The following NAALADL2 variants were observed in gnomAD, a reference collection of about 807,000 sequenced individuals.
NAALADL2 encodes the protein inactive N-acetylated-alpha-linked acidic dipeptidase-like protein 2.
NAALADL2 carries 76 observed loss-of-function variants against 87.2 expected under a neutral mutation model. That is an observed-to-expected ratio of 0.87 (90% CI 0.72 to 1.05). The LOEUF (loss-of-function observed/expected upper bound fraction) is 1.05. Ranked by LOEUF, NAALADL2 falls within the 50% of genes least tolerant of loss-of-function variation. The probability of loss-of-function intolerance (pLI) is 0.00; values close to 1 mark genes in which losing one functional copy is unlikely to be tolerated. For missense variants in NAALADL2, 1,089 were observed against 945.8 expected, an observed-to-expected ratio of 1.15 and a Z score of -1.99; for synonymous variants, 354 against 331.0, an observed-to-expected ratio of 1.07 and a Z score of -0.75.
chr3:174,665,754 G>T (rs1578475196), intron 2 of NAALADL2, among the ~76,000 whole-genome samples: 1 of 152,126 alleles, frequency 6.6e-6, no homozygotes, highest in South Asian at 2.1e-4. Context: ...TCCCAGTCTG[G>T]AGGCTACATA....
intron 1 of NAALADL2, among the ~76,000 whole-genome samples, chr3:174,877,465 T>C (rs2109670052): frequency 6.6e-6 from 1 of 152,218 alleles, no homozygotes; most frequent in South Asian, 2.1e-4. Flanking sequence ...ATTTCAGGCA[T>C]TCAGAAAAGG....
chr3:175,465,200 A>C lies in NAALADL2; in HGVS notation c.1327+1707A>C, dbSNP rs557051328. ...CCGGGAGGCGGAGCTTGCAGTGAGC[A>C]GAGATCACGCCACTGCACTCCAGCC... On this transcript the variant is annotated intron_variant, in intron 7 of 13. Transcript: ENST00000454872. Among the ~76,000 whole-genome samples, 222 of 150,984 alleles carry C rather than the reference A, an allele frequency of 1.5e-3. 1 individual carries two copies. The highest frequency in any genetic ancestry group is 4.5e-3 in the African/African-American group (183 of 41,122).
At chr3:175,653,311 T>C (rs2149793057) in intron 11 of NAALADL2, among the ~76,000 whole-genome samples, 1 of 152,280 alleles carries the variant, frequency 6.6e-6, no homozygotes, top group South Asian at 2.1e-4. Flanking sequence ...TTTTCTTTAG[T>C]TTCAGGGCTC....
At chr3:175,521,068 T>C (rs1225201061) in intron 9 of NAALADL2, among the ~76,000 whole-genome samples, 1 of 151,502 alleles carries the variant, frequency 6.6e-6, no homozygotes, top group East Asian at 1.9e-4. Context: ...ACAAATAAAA[T>C]CTAAACGTAT....
At chr3:175,337,092 T>C (rs1054901903) in intron 5 of NAALADL2, among the ~76,000 whole-genome samples, 12 of 152,186 alleles carry the variant, frequency 7.9e-5, no homozygotes, top group African/African-American at 2.9e-4. Context: ...CTCTGTCATT[T>C]CAATATTCCA....
At chr3:174,610,570 C>T (rs369980796) in intron 2 of NAALADL2, among the ~76,000 whole-genome samples, 6 of 152,180 alleles carry the variant, frequency 3.9e-5, no homozygotes, top group East Asian at 3.9e-4. Context: ...AAAAAATGCT[C>T]ACCATCACTG....
intron 6 of NAALADL2, among the ~76,000 whole-genome samples, chr3:175,460,834 G>A (rs144669688): frequency 7.0e-4 from 107 of 152,286 alleles, no homozygotes; most frequent in Middle Eastern, 3.4e-3. Flanking sequence ...GGGTGTTGCA[G>A]ACCCAAAGAG....
At chr3:175,362,136 T>C (rs1307644690) in intron 5 of NAALADL2, among the ~76,000 whole-genome samples, 1 of 148,344 alleles carries the variant, frequency 6.7e-6, no homozygotes, top group African/African-American at 2.4e-5. Context: ...CCTTTTCCCA[T>C]TTATTGTTTT....
intron 4 of NAALADL2, among the ~76,000 whole-genome samples, chr3:175,260,763 C>G (rs1398192925): frequency 1.3e-5 from 2 of 152,064 alleles, no homozygotes; most frequent in Non-Finnish European, 2.9e-5. Context: ...GGGAGGGAAT[C>G]TCTACATCCG....
chr3:175,230,385 A>G (rs1466173063), intron 2 of NAALADL2, among the ~76,000 whole-genome samples: 2 of 152,092 alleles, frequency 1.3e-5, no homozygotes, highest in Admixed American at 1.3e-4. Context: ...AAAAACTAGG[A>G]TAAAATATGT....
intron 11 of NAALADL2, among the ~76,000 whole-genome samples, chr3:175,671,332 G>A (rs1733978787): frequency 6.6e-6 from 1 of 151,818 alleles, no homozygotes; most frequent in Non-Finnish European, 1.5e-5. Context: ...ATTATGAAAA[G>A]AAAAAAGTTC....
chr3:175,717,803 ATT>A lies in NAALADL2; in HGVS notation c.1897-19481_1897-19480del, dbSNP rs10575051. 7.1e-3 allele frequency among the ~76,000 whole-genome samples: 836 copies of A among 117,842 alleles called. 11 individuals carry two copies. The highest frequency in any genetic ancestry group is 0.03 in the African/African-American group (797 of 26,550). 77.3% of individuals were successfully genotyped at this position (117,842 alleles called of 152,430 possible). ...TCTAACAGTGACCTCAAGAGAGCAG[ATT>A]TTTTTTTTTTTTTTTTTTTTTGAGA... On this transcript the variant is annotated intron_variant, in intron 11 of 13. Coordinates refer to ENST00000454872, the MANE Select transcript of NAALADL2 (RefSeq NM_207015.3).
chr3:175,657,406 C>A (rs1292478845), intron 11 of NAALADL2, among the ~76,000 whole-genome samples: 3 of 151,934 alleles, frequency 2.0e-5, no homozygotes, highest in South Asian at 4.1e-4. Context: ...TCGTAAAAAT[C>A]ATTTTTTATT....
At chr3:174,860,100 A>G (rs1405341392) in intron 1 of NAALADL2, among the ~76,000 whole-genome samples, 1 of 152,078 alleles carries the variant, frequency 6.6e-6, no homozygotes, top group African/African-American at 2.4e-5. Flanking sequence ...CTCACATTTC[A>G]CATTTTTGGG....
Position 175,576,060 on chromosome 3 carries a change from C to G in NAALADL2, c.1673C>G (p.Thr558Ser), listed in dbSNP as rs773399939. The G allele has an allele frequency of 6.2e-6, 10 of 1,610,640 alleles. 1 individual carries two copies. Among genetic ancestry groups the G allele is most frequent in the Admixed American group, 1.7e-5 (1 of 59,324 alleles). ...LVVEKNNFNC[T>S]RRAQCPETNI... ...TTTCAGAAAAATAATTTCAACTGTACCAGAAGAGCCCAGTGCCCAGAAACC... is the reference window on the plus strand; with the variant it reads ...TTTCAGAAAAATAATTTCAACTGTAGCAGAAGAGCCCAGTGCCCAGAAACC... The change falls in exon 10 of 14, where the codon ACC becomes AGC. Residue 558 changes from threonine to serine, a missense_variant. Coordinates refer to ENST00000454872, the MANE Select transcript of NAALADL2 (RefSeq NM_207015.3).
chr3:174,701,899 A>G (rs1351919985), intron 2 of NAALADL2, among the ~76,000 whole-genome samples: 3 of 152,194 alleles, frequency 2.0e-5, no homozygotes, highest in Non-Finnish European at 4.4e-5. Flanking sequence ...TGCTTTTAAC[A>G]TTTGCGTACA....
rs189173536 is a variant in NAALADL2 at position 175,786,985 on chromosome 3, A to T, written c.2190-16020A>T. Reference sequence around the variant, plus strand: ...AATACCCTGCCATGTGAGGTGTCAGAGTGCCCCTGCTGGGGGGTGCCTCCC... The same window carrying T: ...AATACCCTGCCATGTGAGGTGTCAGTGTGCCCCTGCTGGGGGGTGCCTCCC... On this transcript the variant is annotated intron_variant, in intron 13 of 13. Transcript: ENST00000454872. 7.2e-3 allele frequency among the ~76,000 whole-genome samples: 1,071 copies of T among 148,882 alleles called. 8 individuals carry two copies. The highest frequency in any genetic ancestry group is 8.3e-3 in the Non-Finnish European group (549 of 66,114).
intron 3 of NAALADL2, among the ~76,000 whole-genome samples, chr3:175,250,620 C>T (rs1748887341): frequency 6.6e-6 from 1 of 152,098 alleles, no homozygotes; most frequent in Non-Finnish European, 1.5e-5. Flanking sequence ...GCCCATTGTT[C>T]CTTCCAATGA....
intron 11 of NAALADL2, among the ~76,000 whole-genome samples, chr3:175,696,086 G>A (rs1303638404): frequency 6.6e-6 from 1 of 152,114 alleles, no homozygotes; most frequent in African/African-American, 2.4e-5. Context: ...AATTTTTATA[G>A]CAAGAGTGAC....
Sources: allele counts gnomAD v4.1 joint callset (sites outside exome capture counted in the v4.1 genomes callset), GRCh38; gene constraint gnomAD v4.1.1; transcripts MANE v1.5; gene names NCBI Gene and HGNC (gene_info 2026-07-23, HGNC 2026-07-21).